Variants in AP3D1 observed in about 807,000 individuals in gnomAD.
AP3D1 encodes AP-3 complex subunit delta-1.
Under a neutral mutation model 147.6 loss-of-function variants are expected in AP3D1, and 51 were observed. That is an observed-to-expected ratio of 0.35 (90% CI 0.28 to 0.44). The LOEUF is 0.44. AP3D1 is among the 20% of genes least tolerant of loss of function. The pLI, the probability that AP3D1 is intolerant of heterozygous loss-of-function variation, is 1.00. For synonymous variants in AP3D1, 760 were observed against 663.0 expected, an observed-to-expected ratio of 1.15 and a Z score of -2.25; for missense variants, 1,421 against 1,624.2, an observed-to-expected ratio of 0.87 and a Z score of 2.15.
At chr19:2,109,528 C>A in intron 29 of AP3D1, 1 of 487,000 alleles carries the variant, frequency 2.1e-6, no homozygotes, top group South Asian at 2.8e-5. Context: ...AGAGGACGGC[C>A]TGTGAGGACT....
chr19:2,133,518 T>C (rs1263798504), intron 4 of AP3D1: 1 of 152,114 alleles, frequency 6.6e-6, no homozygotes, highest in Non-Finnish European at 1.5e-5. Flanking sequence ...CAGCTTTTTT[T>C]TTTTTGAGAC....
chr19:2,108,890 G>T, intron 30 of AP3D1, 124 bp from the exon 31 acceptor site: 1 of 1,329,668 alleles, frequency 7.5e-7, no homozygotes, highest in East Asian at 2.5e-5. Flanking sequence ...TAGGAGCAGG[G>T]TGTGGCCCTG....
chr19:2,158,749 A>G (rs1074047), intron 1 of AP3D1, among the ~76,000 whole-genome samples: 71,705 of 151,728 alleles, frequency 0.47, 17,074 homozygotes, highest in Non-Finnish European at 0.49. Flanking sequence ...CACCACACCC[A>G]GCATGAACCA....
intron 18 of AP3D1, among the ~76,000 whole-genome samples, chr19:2,115,874 T>G (rs958385169): frequency 7.2e-5 from 11 of 152,238 alleles, no homozygotes; most frequent in African/African-American, 2.7e-4. Flanking sequence ...CGTTCACTTT[T>G]TTTACGTGAA....
In AP3D1 at chr19:2,121,878, C is replaced by T; in HGVS notation, c.957G>A (p.Leu319=). ...RILIEDSDQN[L]KYLGLLAMSK... ...ACATTGCCAGCAGCCCCAGGTACTT[C>T]ACTGCAGAGAGAGGCCAGAGCCGGG... Residue 319 remains leucine (L), a splice_region_variant and synonymous_variant, in exon 12 of 32, where the codon TTG becomes TTA. Coordinates refer to ENST00000643116, the MANE Select transcript of AP3D1 (RefSeq NM_001261826.3). 1 of 1,603,886 alleles carries T rather than the reference C, an allele frequency of 6.2e-7. No individual in the cohort carries two copies.
chr19:2,137,183 C>G, intron 3 of AP3D1, 92 bp from the exon 4 acceptor site: 1 of 1,177,100 alleles, frequency 8.5e-7, no homozygotes, highest in Non-Finnish European at 1.2e-6. Flanking sequence ...CCAGGCAGCG[C>G]CAGCCCAGAA....
At chr19:2,149,197 T>C (rs981205148) in intron 1 of AP3D1, among the ~76,000 whole-genome samples, 7 of 152,008 alleles carry the variant, frequency 4.6e-5, no homozygotes, top group African/African-American at 1.7e-4. Context: ...CACCCGCCAA[T>C]GGCAGGGCCA....
At chr19:2,115,774 C>G (rs2145043257) in intron 18 of AP3D1, among the ~76,000 whole-genome samples, 161 bp from the exon 19 acceptor site, 1 of 152,364 alleles carries the variant, frequency 6.6e-6, no homozygotes, top group African/African-American at 2.4e-5. Flanking sequence ...CGAGCGCATC[C>G]CGAGGACCCG....
chr19:2,120,673 C>A (rs112205443), intron 14 of AP3D1, among the ~76,000 whole-genome samples, 189 bp downstream of exon 14: 9 of 152,310 alleles, frequency 5.9e-5, no homozygotes, highest in Non-Finnish European at 1.0e-4. Flanking sequence ...AGCACAGACT[C>A]GCCTCTGTAA....
intron 1 of AP3D1, chr19:2,164,353 C>A: frequency 1.1e-6 from 1 of 888,734 alleles, no homozygotes; most frequent in Non-Finnish European, 1.5e-6. Context: ...AAGCCGCGCT[C>A]ACCGGTCCCC....
rs774361469 is a variant in AP3D1 at position 2,129,204 on chromosome 19, C to T, written c.733-41G>A. 6 of 1,608,054 alleles carry T rather than the reference C, an allele frequency of 3.7e-6. No homozygotes were observed. In the Admixed American group the frequency reaches 8.5e-5, roughly 23 times the overall value. ...GGCCTCGGTCACCCGCAGGGAATGC[C>T]CCACGCAGGGTGAGGGACAGGGGGG... On this transcript the variant is annotated intron_variant, in intron 7 of 31. Coordinates refer to ENST00000643116, the MANE Select transcript of AP3D1 (RefSeq NM_001261826.3).
At chr19:2,162,160 A>G (rs2019712633) in intron 1 of AP3D1, among the ~76,000 whole-genome samples, 1 of 149,066 alleles carries the variant, frequency 6.7e-6, no homozygotes, top group African/African-American at 2.5e-5. Flanking sequence ...CCTCAGCCTC[A>G]TGAGTAGCTG....
rs71176516 is a variant in AP3D1 at position 2,140,755 on chromosome 19, C to CTTT, written c.97-2044_97-2042dup. 6.2e-3 allele frequency among the ~76,000 whole-genome samples: 662 copies of CTTT among 107,150 alleles called. 6 individuals carry two copies. Among genetic ancestry groups the CTTT allele is most frequent in the Non-Finnish European group, 9.6e-3 (500 of 51,916 alleles). The allele number at this position is 107,150 out of a possible 152,430, so 70.3% of individuals were successfully genotyped here. ...CTCAGACCAAGCCTCACACAAACGT[C>CTTT]TTTTTTTTTTTTTTTTTTTTTTGAG... On this transcript the variant is annotated intron_variant, in intron 1 of 31. Transcript: ENST00000643116.
chr19:2,136,872 T>C, intron 4 of AP3D1, 139 bp downstream of exon 4: 1 of 760,512 alleles, frequency 1.3e-6, no homozygotes, highest in Non-Finnish European at 2.2e-6. Context: ...CTGGGAGGAC[T>C]GTGGCTCCGG....
intron 14 of AP3D1, among the ~76,000 whole-genome samples, chr19:2,120,605 G>A (rs1158025075): frequency 6.6e-6 from 1 of 152,178 alleles, no homozygotes; most frequent in Non-Finnish European, 1.5e-5. Flanking sequence ...TAGTGCCCAC[G>A]GGATCTACAA....
At chr19:2,102,312 G>T in intron 31 of AP3D1, 44 bp from the exon 32 acceptor site, 1 of 1,529,872 alleles carries the variant, frequency 6.5e-7, no homozygotes. Context: ...TGTGTGCAGG[G>T]GCTAGGCACG....
intron 26 of AP3D1, 153 bp downstream of exon 26, chr19:2,111,132 C>A: frequency 9.4e-7 from 1 of 1,062,426 alleles, no homozygotes; most frequent in Non-Finnish European, 1.4e-6. Context: ...TACCCCAAGC[C>A]AGAGGTGCTG....
chr19:2,128,590 C>T (rs1281372555), intron 8 of AP3D1, among the ~76,000 whole-genome samples: 10 of 25,632 alleles, frequency 3.9e-4, no homozygotes, highest in African/African-American at 1.1e-3. Context: ...GGCCCGCCCC[C>T]GCCGCTCCGA....
Position 2,132,586 on chromosome 19 carries a change from G to A in AP3D1, c.355-8C>T. 4 of 1,596,108 alleles carry A rather than the reference G, an allele frequency of 2.5e-6. No individual in the cohort carries two copies. Among genetic ancestry groups the A allele is most frequent in the African/African-American group, 2.7e-5 (2 of 74,738 alleles). On this transcript the variant is annotated splice_polypyrimidine_tract_variant and splice_region_variant and intron_variant, in intron 4 of 31. Coordinates refer to ENST00000643116, the MANE Select transcript of AP3D1 (RefSeq NM_001261826.3). ...GCTGGGGCTGCTCAAGTCCTGGAAA[G>A]TGAGAGAAAGGGGCCGTGGCCAGGA...
Sources: gnomAD v4.1 joint callset for allele counts (sites outside exome capture counted in the v4.1 genomes callset) on GRCh38, gnomAD v4.1.1 for gene constraint, MANE v1.5 for transcripts, NCBI Gene and HGNC (gene_info 2026-07-23, HGNC 2026-07-21) for gene names.